NFIX: variants seen among roughly 807,000 people sequenced by gnomAD.
NFIX encodes nuclear factor 1 X-type.
Under a neutral mutation model 53.3 loss-of-function variants are expected in NFIX, and 2 were observed. That is an observed-to-expected ratio of 0.04 (90% CI 0.02 to 0.12). NFIX has a LOEUF of 0.12. Ranked by LOEUF, NFIX falls within the 10% of genes least tolerant of loss-of-function variation. NFIX has a pLI of 1.00. For missense variants in NFIX, 310 were observed against 674.5 expected (o/e 0.46, Z 5.99); for synonymous variants, 244 against 289.0 (o/e 0.84, Z 1.58).
Position 13,068,202 on chromosome 19 carries a change from C to G in NFIX, c.560-4845C>G, listed in dbSNP as rs1158334882. ...CCTCCTGGCTGCTGGAGCTTCCCCT[C>G]CAGAGCTCTACTGAAGAGGCAGTGT... On this transcript the variant is annotated intron_variant, in intron 2 of 10. Transcript: ENST00000592199. This position sits in a 1 kb window ranked among gnomAD's most constrained non-coding sequence, Gnocchi z 4.2. Among the ~76,000 whole-genome samples the G allele has an allele frequency of 2.0e-5, 3 of 152,154 alleles. No individual in the cohort carries two copies. The highest frequency in any genetic ancestry group is 7.2e-5 in the African/African-American group (3 of 41,444).
In NFIX at chr19:13,009,988, G is replaced by C. The variant is rs1203633731; in HGVS notation, c.27+14124G>C. Among the ~76,000 whole-genome samples the C allele has an allele frequency of 6.6e-6, 1 of 152,160 alleles. No homozygotes were observed. Among genetic ancestry groups the C allele is most frequent in the African/African-American group, 2.4e-5 (1 of 41,446 alleles). ...AGTGGCCCACCTTGGGCCCGGGGGG[G>C]CCTCCAGGAGCCCCCTGGCCCAGGC... On this transcript the variant is annotated intron_variant, in intron 1 of 10. Coordinates refer to ENST00000592199, the MANE Select transcript of NFIX (RefSeq NM_001365902.3). The surrounding 1 kb of genome is among the most constrained non-coding windows in gnomAD (Gnocchi z 4.7).
chr19:13,094,347 C>T lies in NFIX; in HGVS notation c.1495-288C>T, dbSNP rs1260418067. Among the ~76,000 whole-genome samples the T allele has an allele frequency of 6.6e-6, 1 of 152,232 alleles. No individual in the cohort carries two copies. Among genetic ancestry groups the T allele is most frequent in the East Asian group, 1.9e-4 (1 of 5,194 alleles). On this transcript the variant is annotated intron_variant, in intron 10 of 10. Coordinates refer to ENST00000592199, the MANE Select transcript of NFIX (RefSeq NM_001365902.3). The surrounding 1 kb of genome is among the most constrained non-coding windows in gnomAD (Gnocchi z 4.3). ...ACATGGCCAGATCTCAGGCCTGTGCCAGCGCCAGCCATGGGGGTCCCACCC... is the reference window on the plus strand; with the variant it reads ...ACATGGCCAGATCTCAGGCCTGTGCTAGCGCCAGCCATGGGGGTCCCACCC...
At chr19:13,018,142 A>G (rs146816238) in intron 1 of NFIX, among the ~76,000 whole-genome samples, 1 of 152,266 alleles carries the variant, frequency 6.6e-6, no homozygotes, top group Non-Finnish European at 1.5e-5. Flanking sequence ...AAAGTAAACA[A>G]TTTCCAGTTG....
chr19:13,057,494 C>T (rs2015782918), intron 2 of NFIX, among the ~76,000 whole-genome samples: 2 of 152,238 alleles, frequency 1.3e-5, no homozygotes, highest in African/African-American at 4.8e-5. Context: ...TCGCTCCCAC[C>T]AAGCCGGCTC....
intron 2 of NFIX, among the ~76,000 whole-genome samples, chr19:13,035,963 C>G (rs1034991082): frequency 2.6e-5 from 4 of 152,188 alleles, no homozygotes; most frequent in African/African-American, 9.6e-5. Context: ...CGTGTCATTC[C>G]TGGGAGGAGT....
At position 13,068,718 on chromosome 19, in the gene NFIX, C is replaced by G. The variant is rs914520526; in HGVS notation, c.560-4329C>G. Among the ~76,000 whole-genome samples the G allele has an allele frequency of 6.6e-6, 1 of 152,270 alleles. No homozygotes were observed. Among genetic ancestry groups the G allele is most frequent in the Non-Finnish European group, 1.5e-5 (1 of 68,052 alleles). On this transcript the variant is annotated intron_variant, in intron 2 of 10. Coordinates refer to ENST00000592199, the MANE Select transcript of NFIX (RefSeq NM_001365902.3). This position sits in a 1 kb window ranked among gnomAD's most constrained non-coding sequence, Gnocchi z 4.2. ...TGGGCCCATGCGGAGGGAGTCCAGT[C>G]TTATTGCCTGCTCCTTCGTAGCCCT...
chr19:13,025,692 C>A lies in NFIX; in HGVS notation c.559+140C>A. 3 of 935,726 alleles carry A rather than the reference C, an allele frequency of 3.2e-6. No individual in the cohort carries two copies. The highest frequency in any genetic ancestry group is 1.7e-5 in the South Asian group (1 of 58,114). The allele number at this position is 935,726 out of a possible 1,614,324, so 58.0% of individuals were successfully genotyped here. A position where few individuals can be genotyped will look rare whatever the true frequency, so the allele number is the denominator to read the frequency against. ...TGCCCGTCCTGCGGGGCCTGCAACA[C>A]GGTTCTATGGGCCCTTTTCCTTTTT... On this transcript the variant is annotated intron_variant, in intron 2 of 10. Coordinates refer to ENST00000592199, the MANE Select transcript of NFIX (RefSeq NM_001365902.3). The surrounding 1 kb of genome is among the most constrained non-coding windows in gnomAD (Gnocchi z 7.5).
chr19:13,007,047 G>C (rs147648253), intron 1 of NFIX, among the ~76,000 whole-genome samples: 3 of 152,078 alleles, frequency 2.0e-5, no homozygotes, highest in Non-Finnish European at 4.4e-5. Context: ...TGCCTCTTCC[G>C]CTGCCCCTTT....
rs767822386 is a variant in NFIX, at chr19:13,088,650, C to T, written c.1402+514C>T. Among the ~76,000 whole-genome samples, 63 of 152,074 alleles carry T rather than the reference C, an allele frequency of 4.1e-4. No homozygotes were observed. The highest frequency in any genetic ancestry group is 5.6e-4 in the Non-Finnish European group (38 of 67,966). On this transcript the variant is annotated intron_variant, in intron 9 of 10. Coordinates refer to ENST00000592199, the MANE Select transcript of NFIX (RefSeq NM_001365902.3). This position sits in a 1 kb window ranked among gnomAD's most constrained non-coding sequence, Gnocchi z 5.9. ...TCCCTGGGCCCTTGGGCCTCAAAGA[C>T]GCAGCAGGCCAGCCCGACCCCTTCC...
In NFIX at chr19:13,031,821, G is replaced by A. The variant is rs978426161; in HGVS notation, c.559+6269G>A. On this transcript the variant is annotated intron_variant, in intron 2 of 10. Transcript: ENST00000592199. ...TGCCAGAGGAAGAGTGGGTTAGAAG[G>A]GGTAATGAGGCCAGTGCTACGTTCT... Among the ~76,000 whole-genome samples, 7 of 152,288 alleles carry A rather than the reference G, an allele frequency of 4.6e-5. No individual in the cohort carries two copies. The East Asian group carries it at 1.4e-3, about 29-fold the overall frequency.
rs141316655 is a variant in NFIX, at chr19:13,030,844, G to A, written c.559+5292G>A. Among the ~76,000 whole-genome samples, 755 of 152,298 alleles carry A rather than the reference G, an allele frequency of 5.0e-3. 5 individuals are homozygous for A. The highest frequency in any genetic ancestry group is 0.018 in the African/African-American group (733 of 41,548). On this transcript the variant is annotated intron_variant, in intron 2 of 10. Transcript: ENST00000592199. ...AGGGCTCAGTGCAAAATGAAAATGT[G>A]GGGCTCCTTGTTCAAAATTTTTAGG...
intron 8 of NFIX, among the ~76,000 whole-genome samples, chr19:13,086,415 C>T (rs1458828584): frequency 6.6e-6 from 1 of 152,182 alleles, no homozygotes; most frequent in African/African-American, 2.4e-5. Context: ...TGGCCAGTTG[C>T]AGCTGGGTGA....
At chr19:13,050,514 G>T (rs1045398926) in intron 2 of NFIX, among the ~76,000 whole-genome samples, 2 of 152,178 alleles carry the variant, frequency 1.3e-5, no homozygotes, top group Non-Finnish European at 2.9e-5. Flanking sequence ...CTCTGTATCT[G>T]TGTGGTTCCT....
chr19:13,011,816 C>T lies in NFIX; in HGVS notation c.28-13205C>T, dbSNP rs1053138819. The stretch of plus-strand genomic sequence containing the variant: ...CGCCCACAGGCTCCTTTCATTGTAG[C>T]CTCCCTGGAGGTTCTCAAGGCGCCT... On this transcript the variant is annotated intron_variant, in intron 1 of 10. Transcript: ENST00000592199. The surrounding 1 kb of genome is among the most constrained non-coding windows in gnomAD (Gnocchi z 6.5). Among the ~76,000 whole-genome samples, 2 of 152,304 alleles carry T rather than the reference C, an allele frequency of 1.3e-5. No homozygotes were observed. Among genetic ancestry groups the T allele is most frequent in the Middle Eastern group, 6.8e-3 (2 of 294 alleles).
In NFIX at chr19:13,092,119, C is replaced by T. The variant is rs1163098801; in HGVS notation, c.1494+1729C>T. Among the ~76,000 whole-genome samples, 5 of 152,052 alleles carry T rather than the reference C, an allele frequency of 3.3e-5. No homozygotes were observed. In the South Asian group the frequency reaches 6.2e-4, roughly 19 times the overall value. On this transcript the variant is annotated intron_variant, in intron 10 of 10. Coordinates refer to ENST00000592199, the MANE Select transcript of NFIX (RefSeq NM_001365902.3). Reference sequence around the variant, plus strand: ...GGGGCAGGCAGGCGGCTGCAACGGGCGGGCGCAGGGGGTACAGCCGGGGGT... The same window carrying T: ...GGGGCAGGCAGGCGGCTGCAACGGGTGGGCGCAGGGGGTACAGCCGGGGGT...
Position 13,088,911 on chromosome 19 carries a change from C to A in NFIX, c.1402+775C>A, listed in dbSNP as rs1363087833. On this transcript the variant is annotated intron_variant, in intron 9 of 10. Coordinates refer to ENST00000592199, the MANE Select transcript of NFIX (RefSeq NM_001365902.3). This position sits in a 1 kb window ranked among gnomAD's most constrained non-coding sequence, Gnocchi z 5.9. ...TTGTCAAAGGGAAAAGAAGAAAAATCATTCGAGAGGTCCCAGGTAGACCCG... is the reference window on the plus strand; with the variant it reads ...TTGTCAAAGGGAAAAGAAGAAAAATAATTCGAGAGGTCCCAGGTAGACCCG... Among the ~76,000 whole-genome samples the A allele has an allele frequency of 6.6e-6, 1 of 151,196 alleles. No homozygotes were observed. Among genetic ancestry groups the A allele is most frequent in the Non-Finnish European group, 1.5e-5 (1 of 67,840 alleles).
chr19:13,010,036 G>A (rs2012244202), intron 1 of NFIX, among the ~76,000 whole-genome samples: 4 of 152,200 alleles, frequency 2.6e-5, no homozygotes, highest in African/African-American at 9.7e-5. Flanking sequence ...CACCGCCCCA[G>A]GGGCCCTCCG....
rs552071421 is a variant in NFIX at position 13,051,334 on chromosome 19, G to A, written c.560-21713G>A. ...ACGGTGCTGCCAAAGACTCAAGGAGGAAGAGGGGTGTGTCTGGCCACTACC... is the reference window on the plus strand; with the variant it reads ...ACGGTGCTGCCAAAGACTCAAGGAGAAAGAGGGGTGTGTCTGGCCACTACC... On this transcript the variant is annotated intron_variant, in intron 2 of 10. Coordinates refer to ENST00000592199, the MANE Select transcript of NFIX (RefSeq NM_001365902.3). This position sits in a 1 kb window ranked among gnomAD's most constrained non-coding sequence, Gnocchi z 5.1. Among the ~76,000 whole-genome samples, 30 of 152,318 alleles carry A rather than the reference G, an allele frequency of 2.0e-4. No individual in the cohort carries two copies. The South Asian group carries it at 3.1e-3, about 16-fold the overall frequency.
rs554013083 is a variant in NFIX at position 13,051,823 on chromosome 19, C to T, written c.560-21224C>T. The stretch of plus-strand genomic sequence containing the variant: ...CCCCAGGGGTTAAAGAAACACAACC[C>T]GCCGCTGCCGCCTTAGCAGGTGCCT... On this transcript the variant is annotated intron_variant, in intron 2 of 10. Coordinates refer to ENST00000592199, the MANE Select transcript of NFIX (RefSeq NM_001365902.3). This position sits in a 1 kb window ranked among gnomAD's most constrained non-coding sequence, Gnocchi z 5.1. Among the ~76,000 whole-genome samples the T allele has an allele frequency of 3.3e-5, 5 of 152,350 alleles. No individual in the cohort carries two copies. Among genetic ancestry groups the T allele is most frequent in the Non-Finnish European group, 5.9e-5 (4 of 68,026 alleles).
Sources: gnomAD v4.1 joint callset for allele counts (sites outside exome capture counted in the v4.1 genomes callset) on GRCh38, gnomAD v4.1.1 for gene constraint, Gnocchi (gnomAD v3.1) non-coding constraint, MANE v1.5 for transcripts, NCBI Gene and HGNC (gene_info 2026-07-23, HGNC 2026-07-21) for gene names.